The following ZNF141 variants were observed in gnomAD, a reference collection of about 807,000 sequenced individuals.
ZNF141 encodes the protein zinc finger protein 141 (clone pHZ-44).
In ZNF141, 7 loss-of-function variants were observed where a neutral mutation model predicts 11.3. The ratio of observed to expected loss-of-function variants is 0.62; its 90% CI spans 0.35 to 1.16. ZNF141 has a LOEUF of 1.16. Among genes scored for constraint, ZNF141 ranks in the 50% most tolerant of loss-of-function variants. The pLI, the probability that ZNF141 is intolerant of heterozygous loss-of-function variation, is 0.02. For synonymous variants in ZNF141, 183 were observed against 190.7 expected, an observed-to-expected ratio of 0.96 and a Z score of 0.33; for missense variants, 535 against 554.0, an observed-to-expected ratio of 0.97 and a Z score of 0.34.
At chr4:356,553 C>G (rs1721849744) in intron 3 of ZNF141, among the ~76,000 whole-genome samples, 1 of 151,956 alleles carries the variant, frequency 6.6e-6, no homozygotes, top group African/African-American at 2.4e-5. Context: ...ACCTCGTGAT[C>G]CTCCCGCCTC....
rs879999651 is a variant in ZNF141, at chr4:384,265, G to T, written c.*10403G>T. 1 of 152,238 alleles carries T rather than the reference G, an allele frequency of 6.6e-6. No homozygotes were observed. Among genetic ancestry groups the T allele is most frequent in the Admixed American group, 6.5e-5 (1 of 15,280 alleles). The allele number at this position is 152,238 out of a possible 1,614,324, so 9.4% of individuals were successfully genotyped here. A position where few individuals can be genotyped will look rare whatever the true frequency, so the allele number is the denominator to read the frequency against. On this transcript the variant is annotated 3_prime_UTR_variant, in exon 4 of 4. Coordinates refer to ENST00000240499, the MANE Select transcript of ZNF141 (RefSeq NM_003441.4). ...GGGCAAGGCTGTGAGGAGATCTGAA[G>T]ACATGGTGCTCTCTCTTCCTGTGGA...
chr4:377,037 T>G lies in ZNF141; in HGVS notation c.*3175T>G, dbSNP rs530233676. ...ATAAAATGTAGTGAATGTAAAATTT[T>G]TAGATGTAATTTCATAATATATGTA... is the stretch of plus-strand genomic sequence containing the variant. On this transcript the variant is annotated 3_prime_UTR_variant, in exon 4 of 4. Transcript: ENST00000240499. 2.6e-5 allele frequency among the ~76,000 whole-genome samples: 4 copies of G among 152,330 alleles called. No individual in the cohort carries two copies. In the East Asian group the frequency reaches 7.7e-4, roughly 29 times the overall value.
chr4:372,773 A>G lies in ZNF141; in HGVS notation c.336A>G (p.Gln112=), dbSNP rs782075834. ...RYEKCGHDNL[Q]LRKGCKSLNE... The stretch of plus-strand genomic sequence containing the variant: ...AGAAATGTGGACATGATAATTTACA[A>G]TTAAGAAAAGGCTGTAAAAGTTTGA... Residue 112 remains glutamine (Q), a synonymous_variant, in exon 4 of 4, where the codon CAA becomes CAG. Transcript: ENST00000240499. The G allele has an allele frequency of 1.2e-6, 2 of 1,613,928 alleles. No homozygotes were observed.
At chr4:348,123 C>T (rs1357514394) in intron 3 of ZNF141, among the ~76,000 whole-genome samples, 1 of 152,106 alleles carries the variant, frequency 6.6e-6, no homozygotes, top group Non-Finnish European at 1.5e-5. Context: ...AGATTACAGG[C>T]CTGAGCCACC....
At chr4:354,238 G>A (rs1721744473) in intron 3 of ZNF141, among the ~76,000 whole-genome samples, 1 of 151,712 alleles carries the variant, frequency 6.6e-6, no homozygotes, top group Non-Finnish European at 1.5e-5. Flanking sequence ...CCTCACCCAT[G>A]GTTCTTGATA....
At chr4:364,923 C>T (rs922289350) in intron 3 of ZNF141, among the ~76,000 whole-genome samples, 3 of 152,228 alleles carry the variant, frequency 2.0e-5, no homozygotes, top group Non-Finnish European at 1.5e-5. Context: ...TTCAGCTATG[C>T]CCTCCCCCCA....
intron 1 of ZNF141, among the ~76,000 whole-genome samples, chr4:339,330 G>C: frequency 6.6e-6 from 1 of 152,222 alleles, no homozygotes; most frequent in East Asian, 1.9e-4. Context: ...TTAGAGCTTA[G>C]CCCTGCCTGG....
chr4:353,497 C>T lies in ZNF141; in HGVS notation c.226+9067C>T, dbSNP rs182379223. Among the ~76,000 whole-genome samples the T allele has an allele frequency of 3.9e-3, 563 of 145,540 alleles. 5 individuals are homozygous for T. Among genetic ancestry groups the T allele is most frequent in the African/African-American group, 0.013 (522 of 39,056 alleles). On this transcript the variant is annotated intron_variant, in intron 3 of 3. Transcript: ENST00000240499. ...TTTTTTTTGGAGACAGAGTCTCACT[C>T]TCGTCCAGGCTGGAGTGCAGTGGCG... is the stretch of plus-strand genomic sequence containing the variant.
In ZNF141 at chr4:375,799, C is replaced by T. The variant is rs1374517949; in HGVS notation, c.*1937C>T. ...AGCATGTGATGAATTGTTGCTGCAT[C>T]AGAGATAAGAGAGATTCTTTTTCAT... On this transcript the variant is annotated 3_prime_UTR_variant, in exon 4 of 4. Coordinates refer to ENST00000240499, the MANE Select transcript of ZNF141 (RefSeq NM_003441.4). 1.3e-5 allele frequency among the ~76,000 whole-genome samples: 2 copies of T among 151,980 alleles called. No homozygotes were observed. The highest frequency in any genetic ancestry group is 4.8e-5 in the African/African-American group (2 of 41,402).
intron 1 of ZNF141, chr4:338,301 C>A: frequency 2.7e-6 from 1 of 364,466 alleles, no homozygotes; most frequent in South Asian, 2.5e-5. Flanking sequence ...GTGGGAGAAG[C>A]TGTGGTCTGG....
At chr4:342,415 A>G (rs975226029) in intron 1 of ZNF141, among the ~76,000 whole-genome samples, 1 of 152,206 alleles carries the variant, frequency 6.6e-6, no homozygotes, top group Admixed American at 6.5e-5. Flanking sequence ...GTGTTGTGAT[A>G]ACGGTGTTGG....
chr4:347,225 C>T (rs527275500), intron 3 of ZNF141, among the ~76,000 whole-genome samples: 38 of 151,442 alleles, frequency 2.5e-4, no homozygotes, highest in African/African-American at 7.5e-4. Context: ...TTAATAGAGA[C>T]GGAGTTTCTC....
At chr4:370,420 T>C (rs1298750210) in intron 3 of ZNF141, among the ~76,000 whole-genome samples, 1 of 152,196 alleles carries the variant, frequency 6.6e-6, no homozygotes, top group Non-Finnish European at 1.5e-5. Context: ...GTTGTGCTAA[T>C]ATACTTTTCA....
intron 2 of ZNF141, among the ~76,000 whole-genome samples, chr4:344,113 A>G (rs542452139): frequency 4.6e-5 from 7 of 152,284 alleles, no homozygotes; most frequent in East Asian, 1.9e-4. Context: ...TTAAAATCCA[A>G]TTTGCACCAC....
At chr4:348,885 A>T (rs1268360918) in intron 3 of ZNF141, among the ~76,000 whole-genome samples, 4 of 150,884 alleles carry the variant, frequency 2.7e-5, no homozygotes, top group Non-Finnish European at 6.0e-5. Context: ...TAGGGATCAC[A>T]TTGAATCTAT....
chr4:381,339 C>A lies in ZNF141; in HGVS notation c.*7477C>A, dbSNP rs1409352589. ...GAGCAGTCAGAACTCACAGCTCTGA[C>A]CAAACCCCTAGAACTAAGAAAGAAC... On this transcript the variant is annotated 3_prime_UTR_variant, in exon 4 of 4. Transcript: ENST00000240499. 6.6e-6 allele frequency among the ~76,000 whole-genome samples: 1 copy of A among 150,842 alleles called. No individual in the cohort carries two copies. Among genetic ancestry groups the A allele is most frequent in the Admixed American group, 6.6e-5 (1 of 15,154 alleles).
intron 3 of ZNF141, among the ~76,000 whole-genome samples, chr4:353,470 T>TA (rs1553850799): frequency 3.3e-5 from 5 of 149,954 alleles, no homozygotes; most frequent in Admixed American, 2.6e-4. Flanking sequence ...ATTATTATTT[T>TA]TTTTTTTTTG....
rs1553855925 is a variant in ZNF141 at position 383,204 on chromosome 4, C to T, written c.*9342C>T. On this transcript the variant is annotated 3_prime_UTR_variant, in exon 4 of 4. Transcript: ENST00000240499. Reference sequence around the variant, plus strand: ...GACAGCTCACTCACAGAAGCAGAGCCACCTAATTCACCAGCATCTAACCAC... The same window carrying T: ...GACAGCTCACTCACAGAAGCAGAGCTACCTAATTCACCAGCATCTAACCAC... 1 of 696,334 alleles carries T rather than the reference C, an allele frequency of 1.4e-6. No individual in the cohort carries two copies. Among genetic ancestry groups the T allele is most frequent in the East Asian group, 2.7e-5 (1 of 37,172 alleles). 43.1% of individuals were successfully genotyped at this position (696,334 alleles called of 1,614,324 possible). A position where few individuals can be genotyped will look rare whatever the true frequency, so the allele number is the denominator to read the frequency against.
At chr4:370,461 TTTC>T (rs1553853416) in intron 3 of ZNF141, among the ~76,000 whole-genome samples, 1 of 152,190 alleles carries the variant, frequency 6.6e-6, no homozygotes, top group Non-Finnish European at 1.5e-5. Flanking sequence ...GCCTTTACTT[TTTC>T]TTCATTTTTA....
Sources: gnomAD v4.1 joint callset for allele counts (sites outside exome capture counted in the v4.1 genomes callset) on GRCh38, gnomAD v4.1.1 for gene constraint, MANE v1.5 for transcripts, NCBI Gene and HGNC (gene_info 2026-07-23, HGNC 2026-07-21) for gene names.